Variants in GRID2 observed in about 807,000 individuals in gnomAD.
GRID2 encodes the protein glutamate ionotropic receptor delta type subunit 2, also known as glutamate receptor ionotropic, delta-2.
A neutral mutation model predicts 114.8 loss-of-function variants in GRID2; 33 were observed. The observed-to-expected ratio is 0.29, with a 90% CI of 0.22 to 0.38. GRID2 has a LOEUF of 0.38. GRID2 is among the 10% of genes least tolerant of loss of function. The pLI is 1.00. For synonymous variants in GRID2, 505 were observed against 449.9 expected (o/e 1.12, Z -1.55); for missense variants, 1,184 against 1,257.7 (o/e 0.94, Z 0.89).
intron 8 of GRID2, among the ~76,000 whole-genome samples, chr4:93,313,745 G>A (rs983616624): frequency 5.3e-5 from 8 of 152,116 alleles, no homozygotes; most frequent in Admixed American, 4.6e-4. Context: ...GATGCCACTA[G>A]ATATCCTCAA....
chr4:92,398,136 A>T (rs1313698203), intron 1 of GRID2, among the ~76,000 whole-genome samples: 1 of 152,214 alleles, frequency 6.6e-6, no homozygotes, highest in Non-Finnish European at 1.5e-5. Context: ...TGTTAAATAC[A>T]TTGTGGCAGA....
chr4:93,542,693 G>A (rs1732773905), intron 13 of GRID2, among the ~76,000 whole-genome samples: 1 of 152,112 alleles, frequency 6.6e-6, no homozygotes, highest in Non-Finnish European at 1.5e-5. Context: ...GAAGAGGTGG[G>A]TCTGGTCGCA....
At chr4:93,098,419 G>T (rs557221894) in intron 3 of GRID2, among the ~76,000 whole-genome samples, 1 of 152,054 alleles carries the variant, frequency 6.6e-6, no homozygotes, top group African/African-American at 2.4e-5. Context: ...TCTAAGCAAA[G>T]AATTAAGACA....
rs368485589 is a variant in GRID2, at chr4:92,578,286, A to T, written c.89-11845A>T. Among the ~76,000 whole-genome samples, 7 of 86,436 alleles carry T rather than the reference A, an allele frequency of 8.1e-5. No individual in the cohort carries two copies. In the East Asian group the frequency reaches 1.7e-3, roughly 21 times the overall value. 56.7% of individuals were successfully genotyped at this position (86,436 alleles called of 152,430 possible). Reference sequence around the variant, plus strand: ...CTCCCCCCTCCCCCCACCCCACAACAGTCCCCAGAGTGTGATGTTCCCCTT... The same window carrying T: ...CTCCCCCCTCCCCCCACCCCACAACTGTCCCCAGAGTGTGATGTTCCCCTT... On this transcript the variant is annotated intron_variant, in intron 1 of 15. Transcript: ENST00000282020.
At chr4:93,016,708 T>C (rs1175307157) in intron 2 of GRID2, among the ~76,000 whole-genome samples, 1 of 151,782 alleles carries the variant, frequency 6.6e-6, no homozygotes, top group African/African-American at 2.4e-5. Context: ...GACAGAAAAC[T>C]AGCAAAAGAT....
intron 2 of GRID2, among the ~76,000 whole-genome samples, chr4:92,986,875 CT>C (rs912005842): frequency 2.8e-4 from 43 of 152,096 alleles, no homozygotes; most frequent in African/African-American, 1.0e-3. Context: ...GTTGAGAGCT[CT>C]TAGAAAATGT....
At chr4:93,737,628 A>G (rs1470928845) in intron 14 of GRID2, among the ~76,000 whole-genome samples, 1 of 152,094 alleles carries the variant, frequency 6.6e-6, no homozygotes, top group Non-Finnish European at 1.5e-5. Context: ...AATATTTCAG[A>G]TTATTTAGGT....
At chr4:93,081,687 A>C (rs1729882170) in intron 2 of GRID2, among the ~76,000 whole-genome samples, 1 of 152,174 alleles carries the variant, frequency 6.6e-6, no homozygotes. Flanking sequence ...ACAAGGCTTG[A>C]AATAATAATA....
chr4:92,908,219 A>G (rs1319326181), intron 2 of GRID2, among the ~76,000 whole-genome samples: 1 of 152,168 alleles, frequency 6.6e-6, no homozygotes, highest in East Asian at 1.9e-4. Flanking sequence ...AATTCATCAG[A>G]GATAAGTACT....
chr4:92,791,912 C>A (rs564294175), intron 2 of GRID2, among the ~76,000 whole-genome samples: 2 of 151,886 alleles, frequency 1.3e-5, no homozygotes, highest in African/African-American at 4.8e-5. Flanking sequence ...TAGTGTAGGG[C>A]CTCATGCAGC....
intron 2 of GRID2, among the ~76,000 whole-genome samples, chr4:92,942,048 A>G (rs562374711): frequency 8.6e-5 from 13 of 151,970 alleles, no homozygotes; most frequent in Non-Finnish European, 1.6e-4. Context: ...CTATTCTGTT[A>G]ATTTGGGGTG....
intron 13 of GRID2, among the ~76,000 whole-genome samples, chr4:93,609,334 A>G (rs1310119147): frequency 2.4e-5 from 2 of 84,066 alleles, no homozygotes; most frequent in African/African-American, 4.8e-5. Flanking sequence ...CCATTTGTCA[A>G]TTTTGGCTTT....
intron 8 of GRID2, among the ~76,000 whole-genome samples, chr4:93,387,216 A>C (rs907130979): frequency 6.6e-6 from 1 of 152,236 alleles, no homozygotes; most frequent in Non-Finnish European, 1.5e-5. Flanking sequence ...TATAGATGAA[A>C]AGTATCTAAC....
chr4:92,769,637 A>T (rs983821102), intron 2 of GRID2, among the ~76,000 whole-genome samples: 2 of 152,216 alleles, frequency 1.3e-5, no homozygotes, highest in Non-Finnish European at 2.9e-5. Flanking sequence ...TCAAACCTCA[A>T]GTCTTGACTT....
Position 92,586,065 on chromosome 4 carries a change from T to C in GRID2, c.89-4066T>C, listed in dbSNP as rs28589359. Among the ~76,000 whole-genome samples the C allele has an allele frequency of 3.5e-3, 536 of 151,996 alleles. 2 individuals are homozygous for C. The highest frequency in any genetic ancestry group is 6.2e-3 in the Non-Finnish European group (418 of 67,822). ...GTTAAAAAGATTTAATCAATGATTC[T>C]TGAGTGTCTAAACTATTCAGGCTCT... On this transcript the variant is annotated intron_variant, in intron 1 of 15. Coordinates refer to ENST00000282020, the MANE Select transcript of GRID2 (RefSeq NM_001510.4).
intron 2 of GRID2, chr4:92,702,394 C>T (rs949342873): frequency 6.6e-6 from 1 of 152,162 alleles, no homozygotes; most frequent in Non-Finnish European, 1.5e-5. Context: ...GCTGCCGTAA[C>T]ATTCCCTACA....
chr4:93,555,637 C>G (rs1365584560), intron 13 of GRID2, among the ~76,000 whole-genome samples: 1 of 152,214 alleles, frequency 6.6e-6, no homozygotes, highest in African/African-American at 2.4e-5. Context: ...TCCCATCTCC[C>G]TGGGACAGAG....
At chr4:92,643,730 A>T (rs748163541) in intron 2 of GRID2, among the ~76,000 whole-genome samples, 5 of 151,738 alleles carry the variant, frequency 3.3e-5, no homozygotes, top group Non-Finnish European at 7.4e-5. Context: ...AAGTGCTAGG[A>T]ATCACAGGTA....
chr4:92,421,893 T>C (rs2110325529), intron 1 of GRID2, among the ~76,000 whole-genome samples: 1 of 152,194 alleles, frequency 6.6e-6, no homozygotes, highest in South Asian at 2.1e-4. Context: ...GATTCAGTGG[T>C]GAAAAGACAG....
Sources: allele counts gnomAD v4.1 joint callset (sites outside exome capture counted in the v4.1 genomes callset), GRCh38; gene constraint gnomAD v4.1.1; transcripts MANE v1.5; gene names NCBI Gene and HGNC (gene_info 2026-07-23, HGNC 2026-07-21).